Variants in LRP12 observed in about 807,000 individuals in gnomAD.
LRP12 encodes low-density lipoprotein receptor-related protein 12.
In LRP12, 14 loss-of-function variants were observed where a neutral mutation model predicts 66.0. The ratio of observed to expected loss-of-function variants is 0.21; its 90% CI spans 0.14 to 0.33. The LOEUF (loss-of-function observed/expected upper bound fraction) is 0.33, where lower values mean the gene tolerates loss of function less well. Among genes scored for constraint, LRP12 ranks in the 10% least tolerant of loss-of-function variants. The pLI, the probability that LRP12 is intolerant of heterozygous loss-of-function variation, is 1.00. For missense variants in LRP12, 889 were observed against 1,053.4 expected (o/e 0.84, Z 2.16); for synonymous variants, 357 against 359.1 (o/e 0.99, Z 0.07).
intron 1 of LRP12, among the ~76,000 whole-genome samples, chr8:104,562,219 T>G (rs1811921960): frequency 6.6e-6 from 1 of 152,168 alleles, no homozygotes; most frequent in Non-Finnish European, 1.5e-5. Context: ...AGTTCATACA[T>G]ATGTAAAGCA....
chr8:104,497,498 C>A lies in LRP12; in HGVS notation c.1054G>T (p.Val352Leu). The A allele has an allele frequency of 6.2e-7, 1 of 1,614,112 alleles. No individual in the cohort carries two copies. The highest frequency in any genetic ancestry group is 2.2e-5 in the East Asian group (1 of 44,878). ...TTCACTTTATCAGCACAAAAATGTACCCTTATCTGTCCAGAAGAAGAAACA... is the reference window on the plus strand; with the variant it reads ...TTCACTTTATCAGCACAAAAATGTAACCTTATCTGTCCAGAAGAAGAAACA... ...TVVSSSGQIR[V>L]HFCADKVNAA... Residue 352 changes from valine to leucine, a missense_variant, in exon 5 of 7, where the codon GTA (valine) becomes TTA (leucine). This residue lies in a region of LRP12 where 800 missense variants were observed against 964.5 expected (regional missense o/e 0.83). Coordinates refer to ENST00000276654, the MANE Select transcript of LRP12 (RefSeq NM_013437.5). The surrounding 1 kb of genome is among the most constrained non-coding windows in gnomAD (Gnocchi z 4.3).
intron 1 of LRP12, among the ~76,000 whole-genome samples, chr8:104,540,627 G>A (rs1564139590): frequency 6.6e-6 from 1 of 152,150 alleles, no homozygotes; most frequent in African/African-American, 2.4e-5. Context: ...CATCCATTAT[G>A]TATTTATATG....
intron 1 of LRP12, among the ~76,000 whole-genome samples, chr8:104,585,094 A>G (rs915400463): frequency 6.8e-6 from 1 of 147,246 alleles, no homozygotes; most frequent in African/African-American, 2.7e-5. Context: ...TCACAAGTCA[A>G]TCAGTATATG....
rs553492977 is a variant in LRP12, at chr8:104,546,733, C to T, written c.80-14770G>A. 2.0e-5 allele frequency among the ~76,000 whole-genome samples: 3 copies of T among 151,750 alleles called. No homozygotes were observed. In the East Asian group the frequency reaches 5.8e-4, roughly 29 times the overall value. On this transcript the variant is annotated intron_variant, in intron 1 of 6. Coordinates refer to ENST00000276654, the MANE Select transcript of LRP12 (RefSeq NM_013437.5). ...TAGTATCTGTGTACATCTATTTCTG[C>T]ATACATACTTACTGAGCTGGATCTG...
rs1395538259 is a variant in LRP12, at chr8:104,490,222, G to C, written c.*451C>G. 3 of 151,842 alleles carry C rather than the reference G, an allele frequency of 2.0e-5. No homozygotes were observed. Among genetic ancestry groups the C allele is most frequent in the Non-Finnish European group, 4.4e-5 (3 of 68,542 alleles). 9.4% of individuals were successfully genotyped at this position (151,842 alleles called of 1,614,324 possible). A position where few individuals can be genotyped will look rare whatever the true frequency, so the allele number is the denominator to read the frequency against. On this transcript the variant is annotated 3_prime_UTR_variant, in exon 7 of 7. Transcript: ENST00000276654. ...AAATGAAAACGCAGGTGAGTATAAG[G>C]GTTTTTTTTTTGTACATTAACAACC...
At chr8:104,580,401 G>GT (rs1564150058) in intron 1 of LRP12, among the ~76,000 whole-genome samples, 1 of 151,320 alleles carries the variant, frequency 6.6e-6, no homozygotes, top group Non-Finnish European at 1.5e-5. Context: ...ATGGTGGTGG[G>GT]TGCTTGTAGT....
At chr8:104,581,760 G>C (rs1168931007) in intron 1 of LRP12, among the ~76,000 whole-genome samples, 3 of 152,016 alleles carry the variant, frequency 2.0e-5, no homozygotes, top group Non-Finnish European at 4.4e-5. Flanking sequence ...AAAATAATGG[G>C]CCTCTACACG....
chr8:104,587,052 G>C (rs924939083), intron 1 of LRP12, among the ~76,000 whole-genome samples: 4 of 152,116 alleles, frequency 2.6e-5, no homozygotes, highest in African/African-American at 9.7e-5. Flanking sequence ...AAGTACTAAA[G>C]AATGCACCAA....
In LRP12 at chr8:104,498,033, A is replaced by G. The variant is rs149858288; in HGVS notation, c.519T>C (p.Cys173=). ...EPNCACDQFR[C]GNGKCIPEAW... ...CTTCTGGTATACACTTTCCATTACCACAACGAAACTGATCACAAGCACAAT... is the reference window on the plus strand; with the variant it reads ...CTTCTGGTATACACTTTCCATTACCGCAACGAAACTGATCACAAGCACAAT... Residue 173 remains cysteine, a synonymous_variant, in exon 5 of 7, where the codon TGT becomes TGC. Transcript: ENST00000276654. 1.2e-4 allele frequency: 193 copies of G among 1,610,388 alleles called. No individual in the cohort carries two copies. The highest frequency in any genetic ancestry group is 1.6e-4 in the Non-Finnish European group (184 of 1,177,916).
chr8:104,567,624 A>G (rs989102094), intron 1 of LRP12, among the ~76,000 whole-genome samples: 3 of 152,364 alleles, frequency 2.0e-5, no homozygotes, highest in African/African-American at 4.8e-5. Flanking sequence ...TATTAGAGCT[A>G]GTAAGTTCAA....
chr8:104,587,728 ACCT>A (rs1004970073), intron 1 of LRP12, among the ~76,000 whole-genome samples: 4 of 152,156 alleles, frequency 2.6e-5, no homozygotes, highest in Admixed American at 1.3e-4. Context: ...TGTTGACTAA[ACCT>A]CACCACCACC....
chr8:104,548,476 A>T (rs1564142396), intron 1 of LRP12, among the ~76,000 whole-genome samples: 2 of 117,022 alleles, frequency 1.7e-5, no homozygotes, highest in South Asian at 2.3e-4. Context: ...ATATAATTCT[A>T]TATTATATTT....
At chr8:104,545,631 A>G (rs1351257162) in intron 1 of LRP12, among the ~76,000 whole-genome samples, 1 of 152,228 alleles carries the variant, frequency 6.6e-6, no homozygotes, top group Non-Finnish European at 1.5e-5. Context: ...GATGATCATT[A>G]GAATTTCGAA....
At chr8:104,492,021 C>CTT (rs1810641313) in intron 6 of LRP12, among the ~76,000 whole-genome samples, 1 of 150,976 alleles carries the variant, frequency 6.6e-6, no homozygotes, top group African/African-American at 2.4e-5. Flanking sequence ...CAAGGCTTAA[C>CTT]TTTTCCAAAA....
chr8:104,580,530 A>C (rs74402835), intron 1 of LRP12, among the ~76,000 whole-genome samples: 1 of 146,976 alleles, frequency 6.8e-6, no homozygotes, highest in Non-Finnish European at 1.5e-5. Flanking sequence ...ACTCCGTTTC[A>C]AAAAAAAAAC....
chr8:104,577,282 C>A (rs1812179206), intron 1 of LRP12, among the ~76,000 whole-genome samples: 1 of 152,188 alleles, frequency 6.6e-6, no homozygotes, highest in Non-Finnish European at 1.5e-5. Flanking sequence ...ATACATGTTT[C>A]TCATTGCCAG....
intron 2 of LRP12, among the ~76,000 whole-genome samples, chr8:104,531,017 TTTG>T (rs1458615575): frequency 3.3e-5 from 5 of 152,156 alleles, no homozygotes; most frequent in African/African-American, 1.2e-4. Flanking sequence ...CCTTAGAGTA[TTTG>T]TTAAGTCTAT....
chr8:104,542,994 A>AATATATATATATATATATATATATAT (rs149279085), intron 1 of LRP12, among the ~76,000 whole-genome samples: 23 of 144,128 alleles, frequency 1.6e-4, no homozygotes, highest in South Asian at 1.1e-3. Context: ...AACACACACA[A>AATATATATATATATATATATATATAT]ATATATATAT....
At chr8:104,570,964 G>A (rs1812070565) in intron 1 of LRP12, among the ~76,000 whole-genome samples, 1 of 152,110 alleles carries the variant, frequency 6.6e-6, no homozygotes, top group South Asian at 2.1e-4. Context: ...TATATGAGAA[G>A]ATGTTCAATA....
Sources: gnomAD v4.1 joint callset for allele counts (sites outside exome capture counted in the v4.1 genomes callset) on GRCh38, gnomAD v4.1.1 for gene constraint, gnomAD v4.1.1 regional missense constraint, Gnocchi (gnomAD v3.1) non-coding constraint, MANE v1.5 for transcripts, NCBI Gene and HGNC (gene_info 2026-07-23, HGNC 2026-07-21) for gene names.